The following NCOA2 variants were observed in gnomAD, a reference collection of about 807,000 sequenced individuals.
NCOA2 encodes the protein class E basic helix-loop-helix protein 75.
NCOA2 carries 21 observed loss-of-function variants against 145.1 expected under a neutral mutation model. The ratio of observed to expected loss-of-function variants is 0.14; its 90% CI spans 0.10 to 0.21. The LOEUF (loss-of-function observed/expected upper bound fraction) is 0.21. Among genes scored for constraint, NCOA2 ranks in the 10% least tolerant of loss-of-function variants. The pLI is 1.00. For missense variants in NCOA2, 1,472 were observed against 1,837.6 expected, an observed-to-expected ratio of 0.80 and a Z score of 3.64; for synonymous variants, 619 against 637.5, an observed-to-expected ratio of 0.97 and a Z score of 0.44.
chr8:70,218,981 T>C (rs774031660), intron 2 of NCOA2, among the ~76,000 whole-genome samples: 3 of 152,164 alleles, frequency 2.0e-5, no homozygotes, highest in Non-Finnish European at 2.9e-5. Context: ...ACAATTAAAG[T>C]AAGGAACTGT....
intron 1 of NCOA2, among the ~76,000 whole-genome samples, chr8:70,327,955 G>T (rs1363570734): frequency 1.3e-5 from 2 of 152,170 alleles, no homozygotes; most frequent in African/African-American, 4.8e-5. Context: ...GACAAAGATT[G>T]TCATTAACCT....
intron 4 of NCOA2, among the ~76,000 whole-genome samples, chr8:70,197,218 C>T (rs540600061): frequency 3.3e-5 from 5 of 152,154 alleles, no homozygotes; most frequent in African/African-American, 7.2e-5. Flanking sequence ...GATCAAAAAA[C>T]GTTTTACTTC....
Position 70,141,293 on chromosome 8 carries a change from G to T in NCOA2, c.2919C>A (p.Asn973Lys). ...VTCAATTSAM[N>K]RPVQGGMIRN... ...GAATCATACCTCCTTGGACTGGCCG[G>T]TTCATGGCACTGGTGGTAGCAGCAC... The change falls in exon 14 of 23, where the codon AAC (asparagine) becomes AAA (lysine). Residue 973 changes from asparagine (N) to lysine (K), a missense_variant. Physicochemically the swap from Asn to Lys is moderately conservative, Grantham distance 94 (BLOSUM62 0). Coordinates refer to ENST00000452400, the MANE Select transcript of NCOA2 (RefSeq NM_006540.4). 6.2e-7 allele frequency: 1 copy of T among 1,613,924 alleles called. No homozygotes were observed. Among genetic ancestry groups the T allele is most frequent in the Non-Finnish European group, 8.5e-7 (1 of 1,179,866 alleles).
At chr8:70,226,660 T>TTATATA (rs10554067) in intron 2 of NCOA2, among the ~76,000 whole-genome samples, 9 of 146,600 alleles carry the variant, frequency 6.1e-5, no homozygotes, top group Middle Eastern at 3.6e-3. Context: ...TTTTAATTAT[T>TTATATA]TATATATATA....
At chr8:70,423,632 G>C in the NCOA2 span, among the ~76,000 whole-genome samples, 1 of 152,120 alleles carries the variant, frequency 6.6e-6, no homozygotes, top group East Asian at 1.9e-4. Flanking sequence ...GGAAGGAAGA[G>C]AACATGACCG....
In NCOA2 at chr8:70,148,436, C is replaced by T. The variant is rs1353052336; in HGVS notation, c.2442G>A (p.Gln814=). 1 of 1,613,792 alleles carries T rather than the reference C, an allele frequency of 6.2e-7. No homozygotes were observed. The highest frequency in any genetic ancestry group is 1.7e-5 in the Admixed American group (1 of 60,024). ...GGAAAAGCTGTGGTAATTGACTATT[C>T]TGCAAATCATCCAAAATCTCCTCCA... The part of the protein sequence containing the change: ...DNLEEILDDL[Q]NSQLPQLFPD... The change falls in exon 12 of 23, where the codon CAG becomes CAA. Residue 814 remains glutamine, a synonymous_variant. Transcript: ENST00000452400.
At chr8:70,257,999 C>T (rs540897759) in intron 2 of NCOA2, among the ~76,000 whole-genome samples, 4 of 152,244 alleles carry the variant, frequency 2.6e-5, no homozygotes, top group Admixed American at 1.3e-4. Context: ...CTCACTGTAA[C>T]CTCCGCCTTC....
the NCOA2 span, among the ~76,000 whole-genome samples, chr8:70,452,851 G>T: frequency 6.6e-6 from 1 of 152,134 alleles, no homozygotes; most frequent in Non-Finnish European, 1.5e-5. Flanking sequence ...TTAGAAGGGA[G>T]TAAATGGAAG....
chr8:70,355,077 C>G (rs1385333397), intron 1 of NCOA2, among the ~76,000 whole-genome samples: 1 of 152,146 alleles, frequency 6.6e-6, no homozygotes, highest in Non-Finnish European at 1.5e-5. Flanking sequence ...CAAATTCAAC[C>G]AAACCAAGCT....
At chr8:70,293,888 A>T (rs1586397803) in intron 2 of NCOA2, among the ~76,000 whole-genome samples, 1 of 152,328 alleles carries the variant, frequency 6.6e-6, no homozygotes, top group East Asian at 1.9e-4. Flanking sequence ...AACTCAAACT[A>T]CAGAATTCCA....
intron 1 of NCOA2, among the ~76,000 whole-genome samples, chr8:70,303,504 G>A (rs1427495008): frequency 4.6e-5 from 7 of 152,166 alleles, no homozygotes; most frequent in Admixed American, 2.0e-4. Context: ...TCAATGGAGA[G>A]ATAAAGATAT....
chr8:70,243,604 A>G (rs1326894293), intron 2 of NCOA2, among the ~76,000 whole-genome samples: 1 of 152,012 alleles, frequency 6.6e-6, no homozygotes, highest in Non-Finnish European at 1.5e-5. Flanking sequence ...TTTAAAAATA[A>G]AGAAAAACAA....
At chr8:70,230,722 A>G (rs915841690) in intron 2 of NCOA2, among the ~76,000 whole-genome samples, 18 of 152,206 alleles carry the variant, frequency 1.2e-4, no homozygotes, top group African/African-American at 3.6e-4. Context: ...ACATGCTCCT[A>G]GTATACAATT....
chr8:70,162,167 C>T (rs1027941878), intron 9 of NCOA2, among the ~76,000 whole-genome samples: 1 of 152,272 alleles, frequency 6.6e-6, no homozygotes, highest in East Asian at 1.9e-4. Context: ...ACCAGGTGCT[C>T]AATAAGGGCT....
At chr8:70,294,289 A>C (rs919062975) in intron 2 of NCOA2, among the ~76,000 whole-genome samples, 1 of 152,154 alleles carries the variant, frequency 6.6e-6, no homozygotes, top group Non-Finnish European at 1.5e-5. Context: ...TATTTCAAAC[A>C]ATCTGTTCTT....
At chr8:70,257,330 T>C (rs1279262908) in intron 2 of NCOA2, among the ~76,000 whole-genome samples, 4 of 152,362 alleles carry the variant, frequency 2.6e-5, no homozygotes, top group South Asian at 4.1e-4. Flanking sequence ...ATAATTGCCA[T>C]ACATTTATTC....
At chr8:70,188,196 A>G (rs1190659436) in intron 4 of NCOA2, among the ~76,000 whole-genome samples, 3 of 152,240 alleles carry the variant, frequency 2.0e-5, no homozygotes, top group African/African-American at 7.2e-5. Context: ...CTGCTTCTCA[A>G]ATAAACTGAA....
rs144576873 is a variant in NCOA2 at position 70,332,648 on chromosome 8, TAG to T, written c.-76-35850_-76-35849del. On this transcript the variant is annotated intron_variant, in intron 1 of 22. Coordinates refer to ENST00000452400, the MANE Select transcript of NCOA2 (RefSeq NM_006540.4). ...GTATTCAGATGTATTACAATTTAAATAGATTTTTAACAGCAAATTTTGATGCT... is the reference window on the plus strand; with the variant it reads ...GTATTCAGATGTATTACAATTTAAATATTTTTAACAGCAAATTTTGATGCT... Among the ~76,000 whole-genome samples, 716 of 152,316 alleles carry T rather than the reference TAG, an allele frequency of 4.7e-3. 7 individuals are homozygous for T. Among genetic ancestry groups the T allele is most frequent in the African/African-American group, 0.017 (698 of 41,576 alleles).
intron 4 of NCOA2, among the ~76,000 whole-genome samples, chr8:70,195,222 A>G (rs764274792): frequency 2.0e-5 from 3 of 152,208 alleles, no homozygotes; most frequent in African/African-American, 7.2e-5. Context: ...TTGCTAGTAC[A>G]TAAGGATGGA....
Sources: gnomAD v4.1 joint callset for allele counts (sites outside exome capture counted in the v4.1 genomes callset) on GRCh38, gnomAD v4.1.1 for gene constraint, MANE v1.5 for transcripts, NCBI Gene and HGNC (gene_info 2026-07-23, HGNC 2026-07-21) for gene names.